Variants in SQSTM1 observed in about 807,000 individuals in gnomAD.
SQSTM1 encodes the protein sequestosome-1.
SQSTM1 carries 36 observed loss-of-function variants against 45.1 expected under a neutral mutation model. The ratio of observed to expected loss-of-function variants is 0.80; its 90% CI spans 0.61 to 1.05. SQSTM1 has a LOEUF of 1.05. Among genes scored for constraint, SQSTM1 ranks in the 50% least tolerant of loss-of-function variants. The probability of loss-of-function intolerance (pLI) is 0.00; values close to 1 mark genes in which losing one functional copy is unlikely to be tolerated. For missense variants in SQSTM1, 617 were observed against 607.1 expected (o/e 1.02, Z -0.17); for synonymous variants, 290 against 244.3 (o/e 1.19, Z -1.74).
rs1166729262 is a variant in SQSTM1 at position 179,824,007 on chromosome 5, T to C, written c.451T>C (p.Cys151Arg). Residue 151 changes from cysteine (C) to arginine (R), a missense_variant, in exon 3 of 8, where the codon TGT becomes CGT. Cys to Arg is a radical substitution (Grantham distance 180, BLOSUM62 -3). Transcript: ENST00000389805. ...CAGCGTCTGCCCAGACTACGACTTG[T>C]GTAGCGTCTGCGAGGGAAAGGGCTT... The part of the protein sequence containing the change: ...KCSVCPDYDL[C>R]SVCEGKGLHR... 2 of 1,613,980 alleles carry C rather than the reference T, an allele frequency of 1.2e-6. No homozygotes were observed. Among genetic ancestry groups the C allele is most frequent in the South Asian group, 2.2e-5 (2 of 91,078 alleles).
rs575125039 is a variant in SQSTM1 at position 179,833,692 on chromosome 5, C to T, written c.1075C>T (p.Pro359Ser). The change falls in exon 7 of 8, where the codon CCA becomes TCA. Residue 359 changes from proline (P) to serine (S), a missense_variant. By Grantham distance (74) the Pro-to-Ser change is moderately conservative (BLOSUM62 -1). Coordinates refer to ENST00000389805, the MANE Select transcript of SQSTM1 (RefSeq NM_003900.5). Reference sequence around the variant, plus strand: ...AGGTGAACTCCAGTCCCTACAGATGCCAGAATCCGAAGGGCCAAGCTCTCT... The same window carrying T: ...AGGTGAACTCCAGTCCCTACAGATGTCAGAATCCGAAGGGCCAAGCTCTCT... Reference protein sequence around the residue: ...STGELQSLQMPESEGPSSLDP... With the variant: ...STGELQSLQMSESEGPSSLDP... The T allele has an allele frequency of 3.1e-6, 5 of 1,614,126 alleles. No individual in the cohort carries two copies. Among genetic ancestry groups the T allele is most frequent in the South Asian group, 2.2e-5 (2 of 91,082 alleles).
intron 1 of SQSTM1, 21 bp downstream of exon 1, chr5:179,821,162 CG>C (rs1757759791): frequency 3.8e-6 from 5 of 1,326,754 alleles, no homozygotes; most frequent in African/African-American, 1.5e-5. Context: ...CGGGGAGCGG[CG>C]GGGGCGGTGA....
At chr5:179,808,588 C>CT (rs1213621120) in intron 1 of SQSTM1, among the ~76,000 whole-genome samples, 1 of 152,116 alleles carries the variant, frequency 6.6e-6, no homozygotes, top group African/African-American at 2.4e-5. Flanking sequence ...GAGGCCGAGG[C>CT]AGGCGAATCA....
rs777334007 is a variant in SQSTM1, at chr5:179,820,915, T to C, written c.-22T>C. ...GCGGCTGCGACCGGGACGGCCCGTT[T>C]TCCGCCAGCTCGCCGCTCGCTATGG... On this transcript the variant is annotated 5_prime_UTR_variant, in exon 1 of 8. Coordinates refer to ENST00000389805, the MANE Select transcript of SQSTM1 (RefSeq NM_003900.5). The C allele has an allele frequency of 1.3e-6, 2 of 1,518,286 alleles. No individual in the cohort carries two copies. Among genetic ancestry groups the C allele is most frequent in the Non-Finnish European group, 1.8e-6 (2 of 1,133,764 alleles). The allele number at this position is 1,518,286 out of a possible 1,614,324, so 94.1% of individuals were successfully genotyped here.
intron 5 of SQSTM1, among the ~76,000 whole-genome samples, chr5:179,830,417 A>G (rs1158741125): frequency 6.6e-6 from 1 of 152,142 alleles, no homozygotes; most frequent in Admixed American, 6.6e-5. Context: ...TTGTTTTTGA[A>G]ACCGGGTCTC....
chr5:179,837,015 G>C lies in SQSTM1; in HGVS notation c.*422G>C. 1 of 623,960 alleles carries C rather than the reference G, an allele frequency of 1.6e-6. No individual in the cohort carries two copies. The allele number at this position is 623,960 out of a possible 1,614,324, so 38.7% of individuals were successfully genotyped here. On this transcript the variant is annotated 3_prime_UTR_variant, in exon 8 of 8. Transcript: ENST00000389805. Reference sequence around the variant, plus strand: ...TACACTCTGATTTTAGATAAAGTAAGCCTAGGTGTTGTCAGCAGGCAGGCT... The same window carrying C: ...TACACTCTGATTTTAGATAAAGTAACCCTAGGTGTTGTCAGCAGGCAGGCT...
intron 4 of SQSTM1, 103 bp downstream of exon 4, chr5:179,824,426 T>C: frequency 3.3e-6 from 5 of 1,530,262 alleles, no homozygotes; most frequent in Non-Finnish European, 4.5e-6. Flanking sequence ...GAATTCAGGA[T>C]ACCCCCCACC....
At chr5:179,834,333 C>T (rs889748085) in intron 7 of SQSTM1, among the ~76,000 whole-genome samples, 10 of 151,800 alleles carry the variant, frequency 6.6e-5, no homozygotes, top group Non-Finnish European at 8.8e-5. Flanking sequence ...TGCTGTGGGC[C>T]GCCGCTGTGT....
At chr5:179,819,908 C>T (rs1186056536), upstream of SQSTM1, among the ~76,000 whole-genome samples, 2 of 152,214 alleles carry the variant, frequency 1.3e-5, no homozygotes, top group Non-Finnish European at 2.9e-5. Flanking sequence ...GGTTTCCTCC[C>T]CTGGGAGGTT....
At chr5:179,814,725 A>T (rs149348394), upstream of SQSTM1, among the ~76,000 whole-genome samples, 67 of 152,342 alleles carry the variant, frequency 4.4e-4, no homozygotes, top group East Asian at 0.01. Flanking sequence ...AATTAATCAC[A>T]TGGTCTCACC....
rs765011708 is a variant in SQSTM1, at chr5:179,833,151, G to T, written c.874G>T (p.Asp292Tyr). The T allele has an allele frequency of 1.9e-6, 3 of 1,614,158 alleles. No homozygotes were observed. In the South Asian group the frequency reaches 3.3e-5, roughly 18 times the overall value. ...CTCACAGCCAAGCAGCTGCTGCTCT[G>T]ACCCCAGCAAGCCGGGTGGGAATGT... The part of the protein sequence containing the change: ...SSSQPSSCCS[D>Y]PSKPGGNVEG... The change falls in exon 6 of 8, where the codon GAC becomes TAC. Residue 292 changes from aspartate to tyrosine, a missense_variant. Physicochemically the swap from Asp to Tyr is radical, Grantham distance 160 (BLOSUM62 -3). Transcript: ENST00000389805.
chr5:179,818,014 A>C (rs1757637100), upstream of SQSTM1, among the ~76,000 whole-genome samples: 1 of 104,778 alleles, frequency 9.5e-6, no homozygotes, highest in East Asian at 3.5e-4. Flanking sequence ...GACTGTCTCA[A>C]AAAAAAAAAA....
chr5:179,821,283 C>T, intron 1 of SQSTM1, 142 bp downstream of exon 1: 2 of 867,522 alleles, frequency 2.3e-6, no homozygotes, highest in Non-Finnish European at 3.3e-6. Context: ...ATGGCGGTGG[C>T]CTGCATGGGT....
chr5:179,815,882 A>T (rs1757561912), upstream of SQSTM1, among the ~76,000 whole-genome samples: 1 of 152,044 alleles, frequency 6.6e-6, no homozygotes, highest in Non-Finnish European at 1.5e-5. Flanking sequence ...ATACACTCCC[A>T]CGCAACATCC....
upstream of SQSTM1, among the ~76,000 whole-genome samples, chr5:179,817,100 G>A (rs1757604072): frequency 6.6e-6 from 1 of 152,054 alleles, no homozygotes; most frequent in African/African-American, 2.4e-5. Flanking sequence ...GCCGGGGGCC[G>A]GGACACGCCT....
At position 179,831,973 on chromosome 5, in the gene SQSTM1, C is replaced by T. The variant is rs143767490; in HGVS notation, c.755-1059C>T. Among the ~76,000 whole-genome samples, 742 of 152,030 alleles carry T rather than the reference C, an allele frequency of 4.9e-3. 3 individuals are homozygous for T. The highest frequency in any genetic ancestry group is 0.017 in the African/African-American group (692 of 41,492). ...TGATTTTTTGTATTTTTAGTAGAGA[C>T]GGGGTTTCACCATATTAGCCAGGGT... On this transcript the variant is annotated intron_variant, in intron 5 of 7. Transcript: ENST00000389805.
At chr5:179,813,977 T>C (rs1407227222), upstream of SQSTM1, among the ~76,000 whole-genome samples, 1 of 152,152 alleles carries the variant, frequency 6.6e-6, no homozygotes, top group Non-Finnish European at 1.5e-5. Flanking sequence ...GTTTACGAGC[T>C]CTCAATTCTA....
chr5:179,814,964 T>G (rs1757537725), upstream of SQSTM1, among the ~76,000 whole-genome samples: 2 of 152,230 alleles, frequency 1.3e-5, no homozygotes, highest in South Asian at 4.1e-4. Flanking sequence ...ATAAAAGATG[T>G]GCTACGTGTG....
In SQSTM1 at chr5:179,837,928, G is replaced by A; in HGVS notation, c.*1335G>A. 2 of 1,571,720 alleles carry A rather than the reference G, an allele frequency of 1.3e-6. No homozygotes were observed. The highest frequency in any genetic ancestry group is 1.7e-6 in the Non-Finnish European group (2 of 1,161,906). ...CATGCCCTCCATGTGTAAGAACAAT[G>A]CCAGGGCCCAGGAGGACCGCCTGCC... is the stretch of plus-strand genomic sequence containing the variant. On this transcript the variant is annotated 3_prime_UTR_variant, in exon 8 of 8. Coordinates refer to ENST00000389805, the MANE Select transcript of SQSTM1 (RefSeq NM_003900.5).
Sources: allele counts gnomAD v4.1 joint callset (sites outside exome capture counted in the v4.1 genomes callset), GRCh38; gene constraint gnomAD v4.1.1; transcripts MANE v1.5; gene names NCBI Gene and HGNC (gene_info 2026-07-23, HGNC 2026-07-21).